LMLN: variants seen among roughly 807,000 people sequenced by gnomAD.
LMLN encodes the protein leishmanolysin-like peptidase.
Under a neutral mutation model 92.3 loss-of-function variants are expected in LMLN, and 70 were observed. The ratio of observed to expected loss-of-function variants is 0.76; its 90% confidence interval spans 0.63 to 0.92. LMLN has a LOEUF of 0.92. Ranked by LOEUF, LMLN falls within the 40% of genes least tolerant of loss-of-function variation. The pLI is 0.00. For missense variants in LMLN, 691 were observed against 814.6 expected, an observed-to-expected ratio of 0.85 and a Z score of 1.85; for synonymous variants, 308 against 296.2, an observed-to-expected ratio of 1.04 and a Z score of -0.41.
chr3:198,035,871 A>G, exon 15 of LMLN: 1 of 1,614,048 alleles, frequency 6.2e-7, no homozygotes, highest in African/African-American at 1.3e-5. Flanking sequence ...TTTGGGTCCA[A>G]GATACTTCAT....
chr3:197,997,422 G>A (rs910849423), intron 10 of LMLN, among the ~76,000 whole-genome samples: 19 of 152,122 alleles, frequency 1.2e-4, no homozygotes, highest in African/African-American at 2.4e-4. Flanking sequence ...CATGCATTCC[G>A]CACCTGGCTA....
chr3:198,037,448 A>G (rs1482100692), intron 15 of LMLN, among the ~76,000 whole-genome samples: 4 of 152,176 alleles, frequency 2.6e-5, no homozygotes, highest in Admixed American at 1.3e-4. Flanking sequence ...TCAGGAGTTC[A>G]AGATCAACCT....
Position 198,019,359 on chromosome 3 carries a change from C to A in LMLN, c.1339C>A (p.Pro447Thr). Residue 447 changes from proline to threonine, a missense_variant, in exon 12 of 16, where the codon CCT (proline) becomes ACT (threonine). Pro to Thr is a conservative substitution (Grantham distance 38). Around this residue, in one of 4 missense-constraint regions of LMLN, gnomAD observed 352 missense variants for 443.6 expected, o/e 0.79. Transcript: ENST00000330198. This position sits in a 1 kb window ranked among gnomAD's most constrained non-coding sequence, Gnocchi z 5.5. ...TGCCGTGTGTAATTTGCAGAAGTTC[C>A]CTAAGCCTTTACCACAGGAATACCA... 1 of 1,613,976 alleles carries A rather than the reference C, an allele frequency of 6.2e-7. No homozygotes were observed. Among genetic ancestry groups the A allele is most frequent in the Non-Finnish European group, 8.5e-7 (1 of 1,180,004 alleles).
Position 197,976,118 on chromosome 3 carries a change from C to A in LMLN, c.431+7C>A. On this transcript the variant is annotated splice_region_variant and intron_variant, in intron 4 of 15. Coordinates refer to ENST00000330198, the Ensembl canonical transcript of LMLN. ...GCACTATCTTACTTAGCAGGTATGT[C>A]ACATGAAACACAGATCATTTTCTTC... 1 of 1,549,254 alleles carries A rather than the reference C, an allele frequency of 6.5e-7. No individual in the cohort carries two copies. Among genetic ancestry groups the A allele is most frequent in the South Asian group, 1.2e-5 (1 of 86,694 alleles).
At chr3:198,027,207 C>A (rs947610325) in intron 14 of LMLN, among the ~76,000 whole-genome samples, 1 of 152,118 alleles carries the variant, frequency 6.6e-6, no homozygotes, top group African/African-American at 2.4e-5. Flanking sequence ...CTCCCATTAC[C>A]CTCGTCACCC....
At chr3:197,976,156 C>G in intron 4 of LMLN, 45 bp downstream of exon 4, 1 of 1,145,682 alleles carries the variant, frequency 8.7e-7, no homozygotes. Context: ...CCGTTTAGTA[C>G]TCTGCCTTTC....
intron 9 of LMLN, among the ~76,000 whole-genome samples, chr3:197,992,102 A>G (rs901808113): frequency 4.0e-5 from 6 of 151,798 alleles, no homozygotes; most frequent in Non-Finnish European, 8.8e-5. Flanking sequence ...AAAAAAAAAA[A>G]AAAAGAAAAA....
At position 198,042,241 on chromosome 3, in the gene LMLN, G is replaced by C. The variant is rs1295695775; in HGVS notation, c.*3574G>C. ...GGCACATTTTAGTCACTTTGAATATGGTAGTGGTGGGCGCGGTGACTGAAG... is the reference window on the plus strand; with the variant it reads ...GGCACATTTTAGTCACTTTGAATATCGTAGTGGTGGGCGCGGTGACTGAAG... On this transcript the variant is annotated 3_prime_UTR_variant, in exon 16 of 16. Coordinates refer to ENST00000330198, the Ensembl canonical transcript of LMLN. This position sits in a 1 kb window ranked among gnomAD's most constrained non-coding sequence, Gnocchi z 4.2. 3 of 152,060 alleles carry C rather than the reference G, an allele frequency of 2.0e-5. No individual in the cohort carries two copies. The highest frequency in any genetic ancestry group is 7.2e-5 in the African/African-American group (3 of 41,388). The allele number at this position is 152,060 out of a possible 1,614,324, so 9.4% of individuals were successfully genotyped here.
At chr3:198,033,406 AATT>A (rs1723128001) in intron 14 of LMLN, among the ~76,000 whole-genome samples, 2 of 151,610 alleles carry the variant, frequency 1.3e-5, no homozygotes, top group South Asian at 4.1e-4. Context: ...TTATAAAAAA[AATT>A]ATTATTTTTA....
intron 8 of LMLN, among the ~76,000 whole-genome samples, chr3:197,989,999 C>T (rs773111375): frequency 1.3e-5 from 2 of 151,764 alleles, no homozygotes; most frequent in African/African-American, 4.8e-5. Context: ...CTCAGCCTCA[C>T]GAGTAGCTGG....
chr3:197,973,663 C>T (rs1211634136), intron 1 of LMLN, among the ~76,000 whole-genome samples: 1 of 152,090 alleles, frequency 6.6e-6, no homozygotes, highest in African/African-American at 2.4e-5. Flanking sequence ...GCAGGCAATA[C>T]GTATTGTGAA....
chr3:198,039,023 C>G (rs772454878), exon 16 of LMLN: 19 of 228,440 alleles, frequency 8.3e-5, no homozygotes, highest in Non-Finnish European at 1.6e-4. Context: ...ACCCAACCAC[C>G]TCATCAGCAA....
intron 1 of LMLN, among the ~76,000 whole-genome samples, chr3:197,968,316 A>T (rs1581128375): frequency 6.6e-6 from 1 of 152,100 alleles, no homozygotes; most frequent in East Asian, 1.9e-4. Context: ...AATAAAAAAA[A>T]AAAATTAGCT....
chr3:197,960,237 G>C, exon 1 of LMLN: 2 of 1,609,774 alleles, frequency 1.2e-6, no homozygotes, highest in Non-Finnish European at 1.7e-6. Context: ...AACGACGCTC[G>C]GCCCGAAGAT....
chr3:197,962,164 C>G (rs951204374), intron 1 of LMLN, among the ~76,000 whole-genome samples: 1 of 151,908 alleles, frequency 6.6e-6, no homozygotes, highest in South Asian at 2.1e-4. Context: ...AACTAGTTTT[C>G]TAATTGTTTT....
chr3:198,015,959 G>T (rs901071971), intron 11 of LMLN, among the ~76,000 whole-genome samples: 7 of 152,110 alleles, frequency 4.6e-5, no homozygotes, highest in African/African-American at 1.7e-4. Flanking sequence ...AATCCCAGCA[G>T]TTTGGGAAGA....
intron 7 of LMLN, among the ~76,000 whole-genome samples, chr3:197,985,159 G>A (rs1248715185): frequency 3.3e-5 from 5 of 152,136 alleles, no homozygotes; most frequent in Non-Finnish European, 7.3e-5. Flanking sequence ...TTGTAAGCAA[G>A]TGTCAGTCTT....
At chr3:197,997,717 C>T (rs892534186) in intron 10 of LMLN, among the ~76,000 whole-genome samples, 1 of 152,166 alleles carries the variant, frequency 6.6e-6, no homozygotes, top group East Asian at 1.9e-4. Flanking sequence ...AACGTGATTC[C>T]TTGTTATACT....
At chr3:198,012,372 G>C (rs1722471096) in intron 11 of LMLN, among the ~76,000 whole-genome samples, 1 of 152,216 alleles carries the variant, frequency 6.6e-6, no homozygotes, top group African/African-American at 2.4e-5. Context: ...TTCGGACGCT[G>C]GGTGAAGCGT....
Sources: gnomAD v4.1 joint callset for allele counts (sites outside exome capture counted in the v4.1 genomes callset) on GRCh38, gnomAD v4.1.1 for gene constraint, gnomAD v4.1.1 regional missense constraint, Gnocchi (gnomAD v3.1) non-coding constraint, MANE v1.5 for transcripts, NCBI Gene and HGNC (gene_info 2026-07-23, HGNC 2026-07-21) for gene names.